The following FUT9 variants were observed in gnomAD, a reference collection of about 807,000 sequenced individuals.
The protein encoded by FUT9 is 4-galactosyl-N-acetylglucosaminide 3-alpha-L-fucosyltransferase 9.
A neutral mutation model predicts 29.7 loss-of-function variants in FUT9; 15 were observed. That is an observed-to-expected ratio of 0.51 (90% confidence interval 0.34 to 0.78). FUT9 has a LOEUF of 0.78. Ranked by LOEUF, FUT9 falls within the 30% of genes least tolerant of loss-of-function variation. The probability of loss-of-function intolerance (pLI) is 0.01; values close to 1 mark genes in which losing one functional copy is unlikely to be tolerated. For synonymous variants in FUT9, 169 were observed against 153.7 expected (o/e 1.10, Z -0.74); for missense variants, 319 against 425.4 (o/e 0.75, Z 2.20).
At chr6:96,167,730 C>A (rs1361801173) in intron 2 of FUT9, among the ~76,000 whole-genome samples, 13 of 152,156 alleles carry the variant, frequency 8.5e-5, no homozygotes. Flanking sequence ...CTAGTTGCAA[C>A]TTGAAATCTA....
intron 1 of FUT9, among the ~76,000 whole-genome samples, chr6:96,060,365 A>G (rs190326079): frequency 1.5e-4 from 23 of 152,364 alleles, no homozygotes; most frequent in Admixed American, 7.2e-4. Flanking sequence ...TATACAGCAT[A>G]AAACATTTAT....
intron 1 of FUT9, among the ~76,000 whole-genome samples, chr6:96,058,557 A>AT (rs931083029): frequency 1.3e-5 from 2 of 151,996 alleles, no homozygotes; most frequent in African/African-American, 4.8e-5. Flanking sequence ...ATGCAGTAGA[A>AT]TTTTTTGAAA....
chr6:96,023,462 C>T (rs1440155151), intron 1 of FUT9, among the ~76,000 whole-genome samples: 6 of 151,862 alleles, frequency 4.0e-5, no homozygotes, highest in Non-Finnish European at 8.8e-5. Flanking sequence ...CTTATGCTGA[C>T]TTATGTACTA....
intron 2 of FUT9, among the ~76,000 whole-genome samples, chr6:96,128,021 C>G (rs1582252642): frequency 2.6e-5 from 4 of 151,868 alleles, no homozygotes. Context: ...TGTAGAAGCT[C>G]TTTATTTTAA....
In FUT9 at chr6:96,213,671, C is replaced by T. The variant is rs1773981911; in HGVS notation, c.*9436C>T. ...GCAGACCCAATAGGGTTATTTTAAG[C>T]ACACTAATTAGTCATCTGGATTTTT... is the stretch of plus-strand genomic sequence containing the variant. On this transcript the variant is annotated 3_prime_UTR_variant, in exon 3 of 3. Transcript: ENST00000302103. 1 of 166,658 alleles carries T rather than the reference C, an allele frequency of 6.0e-6. No individual in the cohort carries two copies. The highest frequency in any genetic ancestry group is 2.4e-5 in the African/African-American group (1 of 41,380). 10.3% of individuals were successfully genotyped at this position (166,658 alleles called of 1,614,324 possible). A position where few individuals can be genotyped will look rare whatever the true frequency, so the allele number is the denominator to read the frequency against.
intron 1 of FUT9, among the ~76,000 whole-genome samples, chr6:96,017,006 A>G (rs1769992537): frequency 6.6e-6 from 1 of 152,192 alleles, no homozygotes; most frequent in African/African-American, 2.4e-5. Context: ...TGAGTACAGG[A>G]AATACACCTA....
intron 1 of FUT9, among the ~76,000 whole-genome samples, chr6:96,027,622 A>G (rs1390957594): frequency 6.6e-6 from 1 of 151,432 alleles, no homozygotes; most frequent in Admixed American, 6.6e-5. Flanking sequence ...CTTATTGCTT[A>G]CTCATATTCT....
chr6:96,201,023 A>G (rs1278518178), intron 2 of FUT9, among the ~76,000 whole-genome samples: 1 of 151,402 alleles, frequency 6.6e-6, no homozygotes, highest in Non-Finnish European at 1.5e-5. Flanking sequence ...TAACAAGATT[A>G]TAATTGACCT....
rs115617217 is a variant in FUT9, at chr6:96,195,077, C to T, written c.-8-8071C>T. ...ATCCCTGAATTTGTAAAGAAAATTTCGAAGAGAGAGACAGTAGAAGGTGCC... is the reference window on the plus strand; with the variant it reads ...ATCCCTGAATTTGTAAAGAAAATTTTGAAGAGAGAGACAGTAGAAGGTGCC... On this transcript the variant is annotated intron_variant, in intron 2 of 2. Transcript: ENST00000302103. 9.5e-3 allele frequency among the ~76,000 whole-genome samples: 1,447 copies of T among 152,120 alleles called. 24 individuals are homozygous for T. The highest frequency in any genetic ancestry group is 0.033 in the African/African-American group (1,386 of 41,496).
intron 2 of FUT9, among the ~76,000 whole-genome samples, chr6:96,155,496 A>G (rs62417707): frequency 0.41 from 61,562 of 151,480 alleles, 13,710 homozygotes; most frequent in South Asian, 0.7. Context: ...ACATGGTGAA[A>G]CCCCGTCTCT....
intron 1 of FUT9, among the ~76,000 whole-genome samples, chr6:96,083,687 A>G (rs1421317060): frequency 6.6e-6 from 1 of 152,068 alleles, no homozygotes; most frequent in African/African-American, 2.4e-5. Flanking sequence ...GCTTCTCTTG[A>G]GTTACCATTT....
chr6:96,087,065 T>A (rs899192276), intron 1 of FUT9, among the ~76,000 whole-genome samples: 1 of 152,170 alleles, frequency 6.6e-6, no homozygotes, highest in Non-Finnish European at 1.5e-5. Context: ...AGTTCTTAGC[T>A]TTTGTTCTTC....
At chr6:96,189,743 G>C (rs542955612) in intron 2 of FUT9, among the ~76,000 whole-genome samples, 2 of 151,678 alleles carry the variant, frequency 1.3e-5, no homozygotes, top group African/African-American at 4.8e-5. Flanking sequence ...GCCTTTTTTT[G>C]TTTTCCATTT....
chr6:96,120,628 A>G (rs1160652947), intron 2 of FUT9, among the ~76,000 whole-genome samples: 3 of 110,450 alleles, frequency 2.7e-5, no homozygotes, highest in Admixed American at 2.5e-4. Flanking sequence ...TTTCTGTACT[A>G]AGACTTTCTA....
chr6:96,108,046 A>C (rs1324788879), intron 1 of FUT9, among the ~76,000 whole-genome samples: 1 of 150,662 alleles, frequency 6.6e-6, no homozygotes, highest in East Asian at 1.9e-4. Context: ...CCTTTAAATC[A>C]TCTAGCTCAG....
chr6:96,204,221 T>A lies in FUT9; in HGVS notation c.1066T>A (p.Trp356Arg). 6.9e-7 allele frequency: 1 copy of A among 1,444,140 alleles called. No homozygotes were observed. The highest frequency in any genetic ancestry group is 9.1e-7 in the Non-Finnish European group (1 of 1,095,430). The allele number at this position is 1,444,140 out of a possible 1,614,324, so 89.5% of individuals were successfully genotyped here. A position where few individuals can be genotyped will look rare whatever the true frequency, so the allele number is the denominator to read the frequency against. The stretch of plus-strand genomic sequence containing the variant: ...TAAGTCTGTTGGTAATTTAGAGAAA[T>A]GGTTTTGGAATTAAAATTTTTCATC... ...EYKSVGNLEK[W>R]FWN Residue 356 changes from tryptophan to arginine, a missense_variant, in exon 3 of 3, where the codon TGG becomes AGG. Trp to Arg is a moderately radical substitution (Grantham distance 101). Coordinates refer to ENST00000302103, the MANE Select transcript of FUT9 (RefSeq NM_006581.4).
chr6:96,130,484 C>A (rs534361769), intron 2 of FUT9, among the ~76,000 whole-genome samples: 1 of 152,162 alleles, frequency 6.6e-6, no homozygotes, highest in South Asian at 2.1e-4. Flanking sequence ...TAACTCCCAT[C>A]CTTTTTTGAA....
chr6:96,034,751 C>A (rs965521101), intron 1 of FUT9, among the ~76,000 whole-genome samples: 7 of 151,652 alleles, frequency 4.6e-5, no homozygotes, highest in Admixed American at 4.6e-4. Context: ...CAAACTTATC[C>A]CTGCAAGACC....
At position 96,016,112 on chromosome 6, in the gene FUT9, G is replaced by C. The variant is rs912104266; in HGVS notation, c.-198G>C. On this transcript the variant is annotated 5_prime_UTR_variant, in exon 1 of 3. Coordinates refer to ENST00000302103, the MANE Select transcript of FUT9 (RefSeq NM_006581.4). ...GCCTCGGTGTCCCCCAGCCCCAGTC[G>C]CGCTCTTAGGACAGCGCCGCCACCG... is the stretch of plus-strand genomic sequence containing the variant. 6.5e-6 allele frequency: 1 copy of C among 154,108 alleles called. No homozygotes were observed. Among genetic ancestry groups the C allele is most frequent in the African/African-American group, 2.4e-5 (1 of 41,398 alleles). 9.5% of individuals were successfully genotyped at this position (154,108 alleles called of 1,614,324 possible). A position where few individuals can be genotyped will look rare whatever the true frequency, so the allele number is the denominator to read the frequency against.
Sources: gnomAD v4.1 joint callset for allele counts (sites outside exome capture counted in the v4.1 genomes callset) on GRCh38, gnomAD v4.1.1 for gene constraint, MANE v1.5 for transcripts, NCBI Gene and HGNC (gene_info 2026-07-23, HGNC 2026-07-21) for gene names.